Variants in PPP1R21 observed in about 807,000 individuals in gnomAD.
PPP1R21 encodes KLRAQ motif containing 1.
PPP1R21 carries 85 observed loss-of-function variants against 112.8 expected under a neutral mutation model. That is an observed-to-expected ratio of 0.75 (90% CI 0.63 to 0.90). PPP1R21 has a LOEUF of 0.90. Ranked by LOEUF, PPP1R21 falls within the 40% of genes least tolerant of loss-of-function variation. The pLI is 0.00. For synonymous variants in PPP1R21, 381 were observed against 322.3 expected (o/e 1.18, Z -1.95); for missense variants, 1,199 against 901.5 (o/e 1.33, Z -4.23).
intron 12 of PPP1R21, among the ~76,000 whole-genome samples, chr2:48,479,205 A>G (rs1242866279): frequency 6.6e-6 from 1 of 152,218 alleles, no homozygotes; most frequent in East Asian, 1.9e-4. Flanking sequence ...CTCAGAATTT[A>G]GCTTCAGCAA....
chr2:48,511,330 T>C lies in PPP1R21; in HGVS notation c.2185-10T>C, dbSNP rs1413352663. ...GGATGTTGATTTTTGTCTTTTTCTT[T>C]GCTATTTAGGATGAGCTGACAACTA... On this transcript the variant is annotated splice_polypyrimidine_tract_variant and intron_variant, in intron 20 of 21. Transcript: ENST00000294952. 2 of 1,605,094 alleles carry C rather than the reference T, an allele frequency of 1.2e-6. No homozygotes were observed. The highest frequency in any genetic ancestry group is 2.7e-5 in the African/African-American group (2 of 74,374).
At position 48,490,980 on chromosome 2, in the gene PPP1R21, G is replaced by A. The variant is rs914902700; in HGVS notation, c.1447-38G>A. On this transcript the variant is annotated intron_variant, in intron 14 of 21. Coordinates refer to ENST00000294952, the MANE Select transcript of PPP1R21 (RefSeq NM_001135629.3). ...AGATATATATTTTAGATATATTGTT[G>A]GAAAACAAAATCTATTTCCTTGTCA... 3.8e-6 allele frequency: 6 copies of A among 1,587,024 alleles called. No homozygotes were observed. The African/African-American group carries it at 6.7e-5, about 18-fold the overall frequency.
chr2:48,481,442 G>T (rs1289791982), intron 13 of PPP1R21, among the ~76,000 whole-genome samples: 2 of 152,228 alleles, frequency 1.3e-5, no homozygotes, highest in Non-Finnish European at 2.9e-5. Context: ...CCAAGAGATG[G>T]TGCTTTTTTC....
chr2:48,476,494 G>T (rs1395160040), intron 12 of PPP1R21, among the ~76,000 whole-genome samples: 4 of 152,152 alleles, frequency 2.6e-5, no homozygotes, highest in African/African-American at 7.2e-5. Flanking sequence ...GGGTCATGTG[G>T]CAACTCTGCT....
rs33994624 is a variant in PPP1R21 at position 48,486,638 on chromosome 2, C to T, written c.1326C>T (p.Ser442=). The T allele has an allele frequency of 0.12, 188,870 of 1,605,662 alleles. 12,466 individuals carry two copies. Among genetic ancestry groups the T allele is most frequent in the South Asian group, 0.2 (18,441 of 90,646 alleles). Residue 442 remains serine, a synonymous_variant, in exon 14 of 22, where the codon TCC becomes TCT. Coordinates refer to ENST00000294952, the MANE Select transcript of PPP1R21 (RefSeq NM_001135629.3). ...HGFHDVMKDI[S]KHYSQKAAIE... The stretch of plus-strand genomic sequence containing the variant: ...ATGTAATTGCTTTTATAGATATTTC[C>T]AAACATTATAGTCAAAAAGCTGCAA...
intron 12 of PPP1R21, among the ~76,000 whole-genome samples, chr2:48,477,768 T>G (rs574817186): frequency 3.9e-5 from 6 of 151,918 alleles, no homozygotes; most frequent in Non-Finnish European, 8.8e-5. Context: ...AAGAAGTCAG[T>G]TGGGATTCTG....
Position 48,440,868 on chromosome 2 carries a change from C to T in PPP1R21, c.-86C>T. 1 of 980,760 alleles carries T rather than the reference C, an allele frequency of 1.0e-6. No individual in the cohort carries two copies. The highest frequency in any genetic ancestry group is 1.6e-6 in the Non-Finnish European group (1 of 640,968). 60.8% of individuals were successfully genotyped at this position (980,760 alleles called of 1,614,324 possible). A position where few individuals can be genotyped will look rare whatever the true frequency, so the allele number is the denominator to read the frequency against. On this transcript the variant is annotated 5_prime_UTR_variant, in exon 1 of 22. Transcript: ENST00000294952. The stretch of plus-strand genomic sequence containing the variant: ...GCCAAGCAGGCAGATACTGCCTGAC[C>T]CGTTCCCGGGAGCGTGTCTGGGTTT...
rs1178245759 is a variant in PPP1R21 at position 48,486,677 on chromosome 2, T to A, written c.1365T>A (p.Leu455=). 6.2e-7 allele frequency: 1 copy of A among 1,613,704 alleles called. No individual in the cohort carries two copies. Among genetic ancestry groups the A allele is most frequent in the Non-Finnish European group, 8.5e-7 (1 of 1,179,642 alleles). Residue 455 remains leucine (L), a synonymous_variant, in exon 14 of 22, where the codon CTT becomes CTA. Transcript: ENST00000294952. Reference sequence around the variant, plus strand: ...AAAAAGCTGCAATAGAGCATGAACTTCCAACAGCAACACAGAAGCTGATAA... The same window carrying A: ...AAAAAGCTGCAATAGAGCATGAACTACCAACAGCAACACAGAAGCTGATAA... ...YSQKAAIEHE[L]PTATQKLITT... is the part of the protein sequence containing the mutation.
intron 11 of PPP1R21, among the ~76,000 whole-genome samples, chr2:48,473,539 G>C (rs1040621633): frequency 1.3e-5 from 2 of 152,114 alleles, no homozygotes; most frequent in African/African-American, 4.8e-5. Flanking sequence ...TTTCAGCCCT[G>C]CTTCACGAGT....
intron 3 of PPP1R21, among the ~76,000 whole-genome samples, chr2:48,456,637 A>G (rs1273857921): frequency 6.6e-6 from 1 of 152,234 alleles, no homozygotes; most frequent in Non-Finnish European, 1.5e-5. Flanking sequence ...ATATGTTAAT[A>G]GTTTTCCCAT....
At chr2:48,483,940 G>T (rs1016771006) in intron 13 of PPP1R21, among the ~76,000 whole-genome samples, 1 of 151,318 alleles carries the variant, frequency 6.6e-6, no homozygotes, top group South Asian at 2.1e-4. Context: ...CTTCTGCTTC[G>T]GTCTCCCAAA....
intron 13 of PPP1R21, among the ~76,000 whole-genome samples, chr2:48,482,316 A>G (rs1031480320): frequency 1.1e-4 from 17 of 152,216 alleles, no homozygotes; most frequent in African/African-American, 3.6e-4. Context: ...CTTTGTTGGT[A>G]TAGGGTGATT....
At position 48,440,959 on chromosome 2, in the gene PPP1R21, C is replaced by T; in HGVS notation, c.6C>T (p.Ala2=). The T allele has an allele frequency of 1.2e-6, 2 of 1,610,988 alleles. No individual in the cohort carries two copies. Among genetic ancestry groups the T allele is most frequent in the South Asian group, 1.1e-5 (1 of 90,884 alleles). The change falls in exon 1 of 22, where the codon GCC becomes GCT. Residue 2 remains alanine, a synonymous_variant. Transcript: ENST00000294952. Reference sequence around the variant, plus strand: ...TGTACGGGGCGGGGGAGGCCATGGCCTCGGCTGAGTTGCAGGGGAAGTACC... The same window carrying T: ...TGTACGGGGCGGGGGAGGCCATGGCTTCGGCTGAGTTGCAGGGGAAGTACC... M[A]SAELQGKYQK...
Position 48,498,546 on chromosome 2 carries a change from G to T in PPP1R21, c.1746G>T (p.Trp582Cys), listed in dbSNP as rs1195653417. The change falls in exon 17 of 22, where the codon TGG becomes TGT. Residue 582 changes from tryptophan (W) to cysteine (C), a missense_variant. Physicochemically the swap from Trp to Cys is radical, Grantham distance 215. Coordinates refer to ENST00000294952, the MANE Select transcript of PPP1R21 (RefSeq NM_001135629.3). ...ISKLEQEKEH[W>C]MLEAQLAKIK... ...AACTGGAGCAGGAAAAAGAACATTGGATGTTGGAAGCACAATTAGCCAAAA... is the reference window on the plus strand; with the variant it reads ...AACTGGAGCAGGAAAAAGAACATTGTATGTTGGAAGCACAATTAGCCAAAA... 1 of 1,614,028 alleles carries T rather than the reference G, an allele frequency of 6.2e-7. No individual in the cohort carries two copies.
At chr2:48,511,938 T>C (rs1670662443) in intron 21 of PPP1R21, among the ~76,000 whole-genome samples, 1 of 151,974 alleles carries the variant, frequency 6.6e-6, no homozygotes, top group South Asian at 2.1e-4. Context: ...TTTCCAAAAG[T>C]ATTAAGTGTC....
At chr2:48,473,516 C>T (rs993758429) in intron 11 of PPP1R21, among the ~76,000 whole-genome samples, 6 of 152,150 alleles carry the variant, frequency 3.9e-5, no homozygotes, top group Non-Finnish European at 5.9e-5. Context: ...TTGGAATGTT[C>T]TGTCCCATAT....
Position 48,458,308 on chromosome 2 carries a change from G to A in PPP1R21, c.375+81G>A, listed in dbSNP as rs189842849. The A allele has an allele frequency of 1.6e-5, 14 of 850,872 alleles. 1 individual carries two copies. The African/African-American group carries it at 2.4e-4, about 14-fold the overall frequency. The allele number at this position is 850,872 out of a possible 1,614,324, so 52.7% of individuals were successfully genotyped here. A position where few individuals can be genotyped will look rare whatever the true frequency, so the allele number is the denominator to read the frequency against. ...GTGGAAAAGCTAATGCACATAGAGT[G>A]TTTTGTGTCTGCGTGGGTATTTTAA... On this transcript the variant is annotated intron_variant, in intron 4 of 21. Transcript: ENST00000294952.
intron 7 of PPP1R21, among the ~76,000 whole-genome samples, chr2:48,464,381 G>C (rs1357274616): frequency 1.3e-5 from 2 of 152,120 alleles, no homozygotes; most frequent in African/African-American, 4.8e-5. Context: ...TTAAGGAGGA[G>C]TTTGAGGAGG....
At chr2:48,449,099 AGTTCT>A (rs965945879) in intron 1 of PPP1R21, among the ~76,000 whole-genome samples, 2 of 151,608 alleles carry the variant, frequency 1.3e-5, no homozygotes, top group African/African-American at 4.9e-5. Flanking sequence ...TTAAAGTGTA[AGTTCT>A]TTGAAAATAG....
Sources: allele counts gnomAD v4.1 joint callset (sites outside exome capture counted in the v4.1 genomes callset), GRCh38; gene constraint gnomAD v4.1.1; transcripts MANE v1.5; gene names NCBI Gene and HGNC (gene_info 2026-07-23, HGNC 2026-07-21).